Variants in BTBD16 observed in about 807,000 individuals in gnomAD.
BTBD16 encodes the protein BTB domain containing 16.
In BTBD16, 66 loss-of-function variants were observed where a neutral mutation model predicts 67.4. That is an observed-to-expected ratio of 0.98 (90% CI 0.80 to 1.20). The LOEUF is 1.20. Among genes scored for constraint, BTBD16 ranks in the 50% most tolerant of loss-of-function variants. The pLI is 0.00. For synonymous variants in BTBD16, 242 were observed against 236.4 expected, an observed-to-expected ratio of 1.02 and a Z score of -0.22; for missense variants, 634 against 616.0, an observed-to-expected ratio of 1.03 and a Z score of -0.31.
At chr10:122,302,578 GTCC>G (rs1046202833) in intron 9 of BTBD16, among the ~76,000 whole-genome samples, 3 of 152,198 alleles carry the variant, frequency 2.0e-5, no homozygotes, top group African/African-American at 7.2e-5. Flanking sequence ...AGCTATGCAT[GTCC>G]TCCTTGTTGC....
intron 7 of BTBD16, among the ~76,000 whole-genome samples, chr10:122,292,982 A>G (rs746789039): frequency 1.3e-5 from 2 of 152,214 alleles, no homozygotes. Flanking sequence ...AAAATCATTC[A>G]TGGGATTCAT....
intron 10 of BTBD16, among the ~76,000 whole-genome samples, chr10:122,312,936 G>A (rs1179502647): frequency 6.6e-6 from 1 of 152,202 alleles, no homozygotes; most frequent in African/African-American, 2.4e-5. Flanking sequence ...GAGTGCAGTG[G>A]TGTGATCTCA....
intron 7 of BTBD16, chr10:122,291,398 T>C: frequency 1.8e-6 from 1 of 553,428 alleles, no homozygotes; most frequent in Non-Finnish European, 2.9e-6. Context: ...AACACGCTAG[T>C]TTTAACCAAA....
At chr10:122,294,718 C>T (rs1046252334) in intron 7 of BTBD16, among the ~76,000 whole-genome samples, 1 of 152,238 alleles carries the variant, frequency 6.6e-6, no homozygotes. Flanking sequence ...GGAAACCCCC[C>T]ACTTCCCTGA....
chr10:122,298,405 T>C (rs2096387569), intron 8 of BTBD16, among the ~76,000 whole-genome samples: 1 of 152,174 alleles, frequency 6.6e-6, no homozygotes, highest in Non-Finnish European at 1.5e-5. Flanking sequence ...CCAAGGCCAC[T>C]TGTGGTGGAA....
At chr10:122,291,311 TTG>T in intron 7 of BTBD16, 117 bp downstream of exon 7, 65 of 1,316,506 alleles carry the variant, frequency 4.9e-5, no homozygotes, top group South Asian at 3.3e-4. Flanking sequence ...TCAGGTGTCT[TTG>T]TGCCAAGCAT....
rs557959897 is a variant in BTBD16, at chr10:122,290,478, C to T, written c.475+480C>T. On this transcript the variant is annotated intron_variant, in intron 6 of 15. Coordinates refer to ENST00000260723, the MANE Select transcript of BTBD16 (RefSeq NM_144587.5). ...CAGACTTCTTTGCTTGTGCAACATC[C>T]GTGATGTCATGTGATGGCACTTGTT... Among the ~76,000 whole-genome samples the T allele has an allele frequency of 1.5e-3, 232 of 152,266 alleles. 1 individual carries two copies. Among genetic ancestry groups the T allele is most frequent in the Middle Eastern group, 3.4e-3 (1 of 294 alleles).
At chr10:122,308,016 A>G (rs2096406675) in intron 10 of BTBD16, among the ~76,000 whole-genome samples, 1 of 152,228 alleles carries the variant, frequency 6.6e-6, no homozygotes, top group Non-Finnish European at 1.5e-5. Flanking sequence ...TAGTTTCCAT[A>G]TAATTTGCTT....
rs142103747 is a variant in BTBD16, at chr10:122,282,141, C to T, written c.168-1710C>T. On this transcript the variant is annotated intron_variant, in intron 3 of 15. Transcript: ENST00000260723. ...GTTTCCCGGCATCCCTTGGCTCAGC[C>T]GATGACACTGATGTTTGTGAGAGTA... Among the ~76,000 whole-genome samples, 492 of 152,294 alleles carry T rather than the reference C, an allele frequency of 3.2e-3. 3 individuals are homozygous for T. Among genetic ancestry groups the T allele is most frequent in the Admixed American group, 6.7e-3 (103 of 15,298 alleles).
chr10:122,323,812 T>C (rs2096439605), intron 10 of BTBD16, among the ~76,000 whole-genome samples: 1 of 152,188 alleles, frequency 6.6e-6, no homozygotes, highest in Non-Finnish European at 1.5e-5. Context: ...ATGAGGAGGT[T>C]ACTTAGGCTC....
intron 1 of BTBD16, among the ~76,000 whole-genome samples, chr10:122,273,864 A>G (rs1425579167): frequency 6.6e-6 from 1 of 152,256 alleles, no homozygotes; most frequent in African/African-American, 2.4e-5. Flanking sequence ...AAAAAGTCCA[A>G]TTAAGGCAAT....
At chr10:122,327,056 G>C (rs900285203) in intron 10 of BTBD16, among the ~76,000 whole-genome samples, 1 of 152,118 alleles carries the variant, frequency 6.6e-6, no homozygotes, top group Non-Finnish European at 1.5e-5. Flanking sequence ...GTTAAGTGGC[G>C]CCAAGTAAAA....
intron 9 of BTBD16, 127 bp from the exon 10 acceptor site, chr10:122,307,062 C>A: frequency 9.2e-7 from 1 of 1,084,304 alleles, no homozygotes; most frequent in Non-Finnish European, 1.3e-6. Flanking sequence ...TGCTTGATGT[C>A]TGAGGCTACC....
Position 122,331,237 on chromosome 10 carries a change from T to G in BTBD16, c.1065T>G (p.Val355=). 6.2e-7 allele frequency: 1 copy of G among 1,614,020 alleles called. No homozygotes were observed. Among genetic ancestry groups the G allele is most frequent in the Non-Finnish European group, 8.5e-7 (1 of 1,179,968 alleles). Residue 355 remains valine (V), a synonymous_variant, in exon 12 of 16, where the codon GTT becomes GTG. Coordinates refer to ENST00000260723, the MANE Select transcript of BTBD16 (RefSeq NM_144587.5). ...TCCCAGAGTCATGGCTCGACCAGGT[T>G]ACAGTCAACCATTACCACGCAGTGA... ...NFFPESWLDQ[V]TVNHYHALEN... is the part of the protein sequence containing the mutation.
At chr10:122,316,279 A>G (rs1286706737) in intron 10 of BTBD16, among the ~76,000 whole-genome samples, 1 of 152,068 alleles carries the variant, frequency 6.6e-6, no homozygotes. Context: ...AAACAAAACA[A>G]AACAAAACAA....
At chr10:122,275,003 T>C in intron 1 of BTBD16, 37 bp from the exon 2 acceptor site, 1 of 1,451,266 alleles carries the variant, frequency 6.9e-7, no homozygotes, top group Non-Finnish European at 9.7e-7. Flanking sequence ...TTTTGAAAAG[T>C]ATGGAAAATG....
chr10:122,324,673 G>C (rs961071954), intron 10 of BTBD16, among the ~76,000 whole-genome samples: 1 of 151,704 alleles, frequency 6.6e-6, no homozygotes, highest in African/African-American at 2.4e-5. Context: ...ATTATCTGAC[G>C]TTCATGCTTC....
chr10:122,296,410 A>C (rs2142075013), intron 7 of BTBD16, among the ~76,000 whole-genome samples: 1 of 152,280 alleles, frequency 6.6e-6, no homozygotes, highest in South Asian at 2.1e-4. Context: ...TTTTAGAATA[A>C]GTGCAAGAGG....
intron 14 of BTBD16, among the ~76,000 whole-genome samples, chr10:122,335,421 T>C (rs533313194): frequency 6.6e-6 from 1 of 152,338 alleles, no homozygotes; most frequent in Non-Finnish European, 1.5e-5. Context: ...AGGAGGGTGC[T>C]TGACTTCTCC....
Sources: gnomAD v4.1 joint callset for allele counts (sites outside exome capture counted in the v4.1 genomes callset) on GRCh38, gnomAD v4.1.1 for gene constraint, MANE v1.5 for transcripts, NCBI Gene and HGNC (gene_info 2026-07-23, HGNC 2026-07-21) for gene names.